TTC34: variants seen among roughly 807,000 people sequenced by gnomAD.
TTC34 encodes the protein tetratricopeptide repeat protein 34.
In TTC34, 44 loss-of-function variants were observed where a neutral mutation model predicts 40.7. That is an observed-to-expected ratio of 1.08 (90% CI 0.85 to 1.39). The LOEUF is 1.39. Among genes scored for constraint, TTC34 ranks in the 40% most tolerant of loss-of-function variants. The pLI is 0.00. For missense variants in TTC34, 884 were observed against 838.0 expected (o/e 1.05, Z -0.68); for synonymous variants, 422 against 398.6 (o/e 1.06, Z -0.70).
chr1:2,684,456 G>C (rs71503018), intron 6 of TTC34, among the ~76,000 whole-genome samples: 2 of 24,842 alleles, frequency 8.1e-5, no homozygotes, highest in African/African-American at 4.1e-4. Flanking sequence ...AGCATCTGAC[G>C]GCCTGCAACA....
intron 6 of TTC34, among the ~76,000 whole-genome samples, chr1:2,754,819 C>T (rs1435069261): frequency 2.0e-5 from 2 of 98,414 alleles, no homozygotes; most frequent in African/African-American, 3.6e-5. Context: ...GAAACCACAC[C>T]CCCAGGTGAG....
At position 2,760,400 on chromosome 1, in the gene TTC34, C is replaced by T. The variant is rs1315059413; in HGVS notation, c.2226+23209G>A. ...TATCTGACAGCCTGGAACATCACCC[C>T]GCACCCACAGGCGAGCATCTGACAG... is the stretch of plus-strand genomic sequence containing the variant. On this transcript the variant is annotated intron_variant, in intron 6 of 8. Transcript: ENST00000401095. Among the ~76,000 whole-genome samples the T allele has an allele frequency of 1.4e-3, 69 of 48,600 alleles. 22 individuals carry two copies. Among genetic ancestry groups the T allele is most frequent in the Non-Finnish European group, 1.9e-3 (59 of 31,216 alleles). 31.9% of individuals were successfully genotyped at this position (48,600 alleles called of 152,430 possible).
Position 2,755,905 on chromosome 1 carries a change from C to G in TTC34, c.2226+27704G>C, listed in dbSNP as rs1166167680. On this transcript the variant is annotated intron_variant, in intron 6 of 8. Coordinates refer to ENST00000401095, the Ensembl canonical transcript of TTC34. ...GACATCCTTGAGCAGCACCCACACC[C>G]CCAGGTGAGCATCTGACAGCCTGGA... 8.2e-5 allele frequency among the ~76,000 whole-genome samples: 7 copies of G among 84,914 alleles called. 2 individuals carry two copies. The highest frequency in any genetic ancestry group is 2.6e-4 in the African/African-American group (3 of 11,436). 55.7% of individuals were successfully genotyped at this position (84,914 alleles called of 152,430 possible). A position where few individuals can be genotyped will look rare whatever the true frequency, so the allele number is the denominator to read the frequency against.
At position 2,757,802 on chromosome 1, in the gene TTC34, G is replaced by A. The variant is rs1386232318; in HGVS notation, c.2226+25807C>T. On this transcript the variant is annotated intron_variant, in intron 6 of 8. Coordinates refer to ENST00000401095, the Ensembl canonical transcript of TTC34. Reference sequence around the variant, plus strand: ...GAGCAGCACCCACACCTTCCGGCGAGCATCCGACAGCCTGGAGCAGCACCC... The same window carrying A: ...GAGCAGCACCCACACCTTCCGGCGAACATCCGACAGCCTGGAGCAGCACCC... Among the ~76,000 whole-genome samples, 263 of 148,092 alleles carry A rather than the reference G, an allele frequency of 1.8e-3. 5 individuals carry two copies. The highest frequency in any genetic ancestry group is 6.3e-3 in the African/African-American group (253 of 39,940).
chr1:2,653,691 C>G (rs1168164916), intron 6 of TTC34, among the ~76,000 whole-genome samples: 3 of 152,088 alleles, frequency 2.0e-5, no homozygotes, highest in African/African-American at 7.2e-5. Context: ...CACCCACACC[C>G]CCAGGTGAGC....
Position 2,768,397 on chromosome 1 carries a change from G to A in TTC34, c.2226+15212C>T, listed in dbSNP as rs1641861341. Reference sequence around the variant, plus strand: ...CCCACCACAAGGTGAGCATATGACAGCCCGGAACAACACCCTCCACCCCCA... The same window carrying A: ...CCCACCACAAGGTGAGCATATGACAACCCGGAACAACACCCTCCACCCCCA... On this transcript the variant is annotated intron_variant, in intron 6 of 8. Coordinates refer to ENST00000401095, the Ensembl canonical transcript of TTC34. 2.6e-5 allele frequency among the ~76,000 whole-genome samples: 4 copies of A among 151,932 alleles called. No individual in the cohort carries two copies. In the South Asian group the frequency reaches 8.3e-4, roughly 32 times the overall value.
chr1:2,753,039 G>A (rs1641376956), intron 6 of TTC34, among the ~76,000 whole-genome samples: 3 of 151,582 alleles, frequency 2.0e-5, no homozygotes, highest in East Asian at 1.9e-4. Context: ...CCGACAGCCT[G>A]GAGCAGCACC....
chr1:2,783,483 T>C (rs572304152), intron 6 of TTC34, 126 bp downstream of exon 6: 84 of 1,011,520 alleles, frequency 8.3e-5, no homozygotes, highest in Non-Finnish European at 1.1e-4. Context: ...GGAACATGGG[T>C]TTTGATGGGC....
chr1:2,684,633 T>C (rs79456807), intron 6 of TTC34, among the ~76,000 whole-genome samples: 2 of 37,582 alleles, frequency 5.3e-5, no homozygotes, highest in African/African-American at 1.4e-4. Context: ...AATGGCATCC[T>C]CACCTCCAGG....
intron 6 of TTC34, among the ~76,000 whole-genome samples, chr1:2,761,879 CA>C (rs1395184720): frequency 1.4e-5 from 1 of 73,254 alleles, no homozygotes; most frequent in Non-Finnish European, 2.5e-5. Context: ...CAGCATAAAA[CA>C]GCACCCCTAC....
At chr1:2,787,796 A>G in intron 3 of TTC34, 90 bp from the exon 4 acceptor site, 2 of 1,160,378 alleles carry the variant, frequency 1.7e-6, no homozygotes, top group Non-Finnish European at 2.4e-6. Context: ...TCCCGTCTCC[A>G]TGTACCTGGC....
exon 6 of TTC34, chr1:2,783,772 C>A: frequency 2.0e-6 from 3 of 1,502,128 alleles, no homozygotes; most frequent in Non-Finnish European, 2.7e-6. Flanking sequence ...ACTTGCCTGG[C>A]TTCCTGCAGG....
intron 6 of TTC34, among the ~76,000 whole-genome samples, chr1:2,660,654 A>T (rs1187907631): frequency 0.071 from 587 of 8,262 alleles, 19 homozygotes; most frequent in Middle Eastern, 0.5. Flanking sequence ...TCGGAGAGTC[A>T]GGAGCAGTGC....
exon 2 of TTC34, chr1:2,800,176 C>T (rs1359065447): frequency 2.5e-6 from 1 of 398,486 alleles, no homozygotes; most frequent in East Asian, 3.6e-5. Flanking sequence ...GGGTCCAGAG[C>T]CGCCAGGAGT....
Position 2,694,708 on chromosome 1 carries a change from C to G in TTC34, c.2227-49145G>C, listed in dbSNP as rs1261629863. ...ATTGGACACCCTGGAGCAGCACCCA[C>G]AACCACAGGTGAGCATCTGACATCG... On this transcript the variant is annotated intron_variant, in intron 6 of 8. Coordinates refer to ENST00000401095, the Ensembl canonical transcript of TTC34. 2.4e-5 allele frequency among the ~76,000 whole-genome samples: 2 copies of G among 82,906 alleles called. 1 individual carries two copies. Among genetic ancestry groups the G allele is most frequent in the African/African-American group, 7.7e-5 (2 of 25,836 alleles). 54.4% of individuals were successfully genotyped at this position (82,906 alleles called of 152,430 possible). A position where few individuals can be genotyped will look rare whatever the true frequency, so the allele number is the denominator to read the frequency against.
intron 6 of TTC34, chr1:2,775,261 A>G (rs1643002285): frequency 6.7e-6 from 1 of 149,780 alleles, no homozygotes; most frequent in South Asian, 2.1e-4. Flanking sequence ...ATGGAATGAC[A>G]TCCTCACATC....
At chr1:2,780,828 A>G (rs553757875) in intron 6 of TTC34, among the ~76,000 whole-genome samples, 72 of 152,282 alleles carry the variant, frequency 4.7e-4, no homozygotes, top group African/African-American at 1.7e-3. Flanking sequence ...ATTGCATTGA[A>G]TCTGTAGATC....
intron 4 of TTC34, among the ~76,000 whole-genome samples, chr1:2,786,852 G>T (rs1643597334): frequency 6.6e-6 from 1 of 152,324 alleles, no homozygotes; most frequent in Admixed American, 6.5e-5. Context: ...CTGAGCAAGA[G>T]GATGCAGGTT....
chr1:2,748,207 C>A, intron 6 of TTC34, among the ~76,000 whole-genome samples: 1 of 49,596 alleles, frequency 2.0e-5, no homozygotes, highest in East Asian at 7.3e-4. Context: ...GAACCCCAGG[C>A]GAGCATCTGA....
Sources: allele counts gnomAD v4.1 joint callset (sites outside exome capture counted in the v4.1 genomes callset), GRCh38; gene constraint gnomAD v4.1.1; transcripts MANE v1.5; gene names NCBI Gene and HGNC (gene_info 2026-07-23, HGNC 2026-07-21).